CACNA1D: variants seen among roughly 807,000 people sequenced by gnomAD.
CACNA1D encodes the protein calcium voltage-gated channel subunit alpha1 D.
In CACNA1D, 55 loss-of-function variants were observed where a neutral mutation model predicts 257.1. The ratio of observed to expected loss-of-function variants is 0.21; its 90% CI spans 0.17 to 0.27. The LOEUF is 0.27. Ranked by LOEUF, CACNA1D falls within the 10% of genes least tolerant of loss-of-function variation. The pLI is 1.00. For missense variants in CACNA1D, 1,876 were observed against 2,784.0 expected, an observed-to-expected ratio of 0.67 and a Z score of 7.34; for synonymous variants, 980 against 1,014.9, an observed-to-expected ratio of 0.97 and a Z score of 0.65.
rs149651332 is a variant in CACNA1D at position 53,621,656 on chromosome 3, A to C, written c.484-29123A>C. Among the ~76,000 whole-genome samples, 60 of 152,378 alleles carry C rather than the reference A, an allele frequency of 3.9e-4. 1 individual carries two copies. In the East Asian group the frequency reaches 9.4e-3, roughly 24 times the overall value. ...CAAAATCAAAACTTGTGTTCATCAA[A>C]AGATGCTGTTAAGAAAAAGTAAGTA... On this transcript the variant is annotated intron_variant, in intron 3 of 47. Coordinates refer to ENST00000350061, the MANE Select transcript of CACNA1D (RefSeq NM_001128840.3).
At chr3:53,656,943 A>AG (rs1432986358) in intron 4 of CACNA1D, among the ~76,000 whole-genome samples, 2 of 152,224 alleles carry the variant, frequency 1.3e-5, no homozygotes, top group African/African-American at 2.4e-5. Flanking sequence ...TGGAACTCTC[A>AG]TACACCACTT....
At chr3:53,543,145 T>G (rs1046303882) in intron 3 of CACNA1D, among the ~76,000 whole-genome samples, 8 of 125,448 alleles carry the variant, frequency 6.4e-5, no homozygotes, top group Non-Finnish European at 8.6e-5. Flanking sequence ...AAGAAATAAA[T>G]AAATAAATGA....
In CACNA1D at chr3:53,790,457, C is replaced by T. The variant is rs1204254121; in HGVS notation, c.4923+3505C>T. Among the ~76,000 whole-genome samples, 6 of 152,230 alleles carry T rather than the reference C, an allele frequency of 3.9e-5. No individual in the cohort carries two copies. The East Asian group carries it at 9.6e-4, about 24-fold the overall frequency. On this transcript the variant is annotated intron_variant, in intron 40 of 47. Coordinates refer to ENST00000350061, the MANE Select transcript of CACNA1D (RefSeq NM_001128840.3). Reference sequence around the variant, plus strand: ...AAAAGACATGCACTCCGGTGGAATCCGAGGACACTATGTCCCCCACTCATC... The same window carrying T: ...AAAAGACATGCACTCCGGTGGAATCTGAGGACACTATGTCCCCCACTCATC...
intron 9 of CACNA1D, among the ~76,000 whole-genome samples, chr3:53,708,293 A>G (rs140201560): frequency 4.3e-4 from 66 of 152,364 alleles, no homozygotes; most frequent in Middle Eastern, 3.4e-3. Flanking sequence ...TTCAAAATGG[A>G]AGATACTCAA....
chr3:53,808,577 C>A, intron 45 of CACNA1D, 72 bp from the exon 46 acceptor site: 10 of 1,592,702 alleles, frequency 6.3e-6, no homozygotes, highest in Non-Finnish European at 8.5e-6. Flanking sequence ...TCCGGGGCCA[C>A]CCTGACTCTG....
chr3:53,727,667 A>G (rs1407955691), intron 15 of CACNA1D, among the ~76,000 whole-genome samples: 2 of 151,890 alleles, frequency 1.3e-5, no homozygotes, highest in South Asian at 2.1e-4. Context: ...TTTTATCTCC[A>G]GGTCCTCCAT....
intron 3 of CACNA1D, among the ~76,000 whole-genome samples, chr3:53,632,888 C>T (rs192745113): frequency 3.6e-4 from 55 of 152,284 alleles, no homozygotes; most frequent in African/African-American, 1.3e-3. Context: ...GATAAGTGAT[C>T]ATAGATCACC....
chr3:53,796,542 C>T (rs1239528439), intron 40 of CACNA1D: 1 of 348,592 alleles, frequency 2.9e-6, no homozygotes, highest in African/African-American at 2.1e-5. Context: ...GCAGGAGAAA[C>T]TTAACCCTAA....
In CACNA1D at chr3:53,731,124, A is replaced by G; in HGVS notation, c.2384A>G (p.Gln795Arg). ...NKKNNKPEVN[Q>R]IANSDNKVTI... ...AAGAACAACAAACCAGAAGTCAACC[A>G]GATAGCCAACAGTGACAACAAGGTA... Residue 795 changes from glutamine to arginine, a missense_variant, in exon 17 of 48, where the codon CAG (glutamine) becomes CGG (arginine). Transcript: ENST00000350061. 1 of 1,611,532 alleles carries G rather than the reference A, an allele frequency of 6.2e-7. No individual in the cohort carries two copies. The highest frequency in any genetic ancestry group is 1.1e-5 in the South Asian group (1 of 91,024).
intron 3 of CACNA1D, among the ~76,000 whole-genome samples, chr3:53,584,358 A>G (rs565085031): frequency 9.8e-5 from 15 of 152,340 alleles, no homozygotes; most frequent in Admixed American, 9.2e-4. Flanking sequence ...GTGCGCTGGC[A>G]TGGGGCTGGG....
intron 8 of CACNA1D, among the ~76,000 whole-genome samples, chr3:53,690,140 A>G (rs1484595420): frequency 6.6e-6 from 1 of 152,172 alleles, no homozygotes; most frequent in Non-Finnish European, 1.5e-5. Flanking sequence ...TAGGAATTAA[A>G]TCTAGATCTG....
intron 47 of CACNA1D, chr3:53,810,618 C>T (rs148848134): frequency 0.013 from 4,934 of 387,820 alleles, 68 homozygotes; most frequent in South Asian, 0.023. Flanking sequence ...ATTAGCCGGG[C>T]GTGGTGGTGT....
chr3:53,730,565 A>G lies in CACNA1D; in HGVS notation c.2336+9A>G, dbSNP rs1246591783. ...AGGAAAAAGATTGCCAGGTAACCCT[A>G]TTTTCCCCTGACGTGTTTGTCCAGG... On this transcript the variant is annotated intron_variant, in intron 16 of 47. Coordinates refer to ENST00000350061, the MANE Select transcript of CACNA1D (RefSeq NM_001128840.3). The G allele has an allele frequency of 4.4e-6, 7 of 1,593,148 alleles. No homozygotes were observed. The highest frequency in any genetic ancestry group is 2.7e-5 in the African/African-American group (2 of 74,442).
chr3:53,510,005 A>G (rs1366127858), intron 3 of CACNA1D, among the ~76,000 whole-genome samples: 2 of 152,218 alleles, frequency 1.3e-5, no homozygotes, highest in African/African-American at 4.8e-5. Context: ...GTGGCTCCCC[A>G]TGCCTTGTTG....
At chr3:53,553,230 G>C (rs2092570728) in intron 3 of CACNA1D, among the ~76,000 whole-genome samples, 1 of 152,240 alleles carries the variant, frequency 6.6e-6, no homozygotes, top group African/African-American at 2.4e-5. Context: ...AGTGAAGTTT[G>C]TAATAAAGTC....
chr3:53,785,778 G>A (rs186716792), intron 39 of CACNA1D: 5 of 152,430 alleles, frequency 3.3e-5, no homozygotes, highest in African/African-American at 1.2e-4. Flanking sequence ...AGCTCAGAGA[G>A]GTTGAGCCCC....
rs2090279544 is a variant in CACNA1D, at chr3:53,494,799, C to A, written c.-368C>A. 6.5e-6 allele frequency: 1 copy of A among 154,472 alleles called. No homozygotes were observed. The highest frequency in any genetic ancestry group is 2.4e-5 in the African/African-American group (1 of 40,974). The allele number at this position is 154,472 out of a possible 1,614,324, so 9.6% of individuals were successfully genotyped here. ...TGGGGGGAGCGCCGAGCGGCCCCGG[C>A]GGCCGGGCCGGCATCACCGCGGCGT... On this transcript the variant is annotated 5_prime_UTR_variant, in exon 1 of 48. Transcript: ENST00000350061.
chr3:53,635,617 C>T (rs2093874112), intron 3 of CACNA1D, among the ~76,000 whole-genome samples: 1 of 152,122 alleles, frequency 6.6e-6, no homozygotes, highest in Non-Finnish European at 1.5e-5. Flanking sequence ...TCAGCCTCTC[C>T]AGCTCCTGCA....
In CACNA1D at chr3:53,723,988, A is replaced by G; in HGVS notation, c.2089A>G (p.Thr697Ala). 1 of 1,613,388 alleles carries G rather than the reference A, an allele frequency of 6.2e-7. No homozygotes were observed. Among genetic ancestry groups the G allele is most frequent in the Non-Finnish European group, 8.5e-7 (1 of 1,179,374 alleles). Residue 697 changes from threonine to alanine, a missense_variant, in exon 14 of 48, where the codon ACA becomes GCA. By Grantham distance (58) the Thr-to-Ala change is moderately conservative. Transcript: ENST00000350061. This position sits in a 1 kb window ranked among gnomAD's most constrained non-coding sequence, Gnocchi z 5.6. Reference sequence around the variant, plus strand: ...TGACAATTTCCCTCAAGCACTTCTCACAGTGTTCCAGGTGAGTCCTCCCTC... The same window carrying G: ...TGACAATTTCCCTCAAGCACTTCTCGCAGTGTTCCAGGTGAGTCCTCCCTC... ...TFDNFPQALL[T>A]VFQILTGEDW... is the part of the protein sequence containing the mutation.
Sources: gnomAD v4.1 joint callset for allele counts (sites outside exome capture counted in the v4.1 genomes callset) on GRCh38, gnomAD v4.1.1 for gene constraint, Gnocchi (gnomAD v3.1) non-coding constraint, MANE v1.5 for transcripts, NCBI Gene and HGNC (gene_info 2026-07-23, HGNC 2026-07-21) for gene names.